Variants in SMCHD1 observed in about 807,000 individuals in gnomAD.
The protein encoded by SMCHD1 is structural maintenance of chromosomes flexible hinge domain containing 1, also known as structural maintenance of chromosomes flexible hinge domain-containing protein 1.
SMCHD1 carries 78 observed loss-of-function variants against 254.7 expected under a neutral mutation model. That is an observed-to-expected ratio of 0.31 (90% CI 0.26 to 0.37). SMCHD1 has a LOEUF of 0.37. Among genes scored for constraint, SMCHD1 ranks in the 10% least tolerant of loss-of-function variants. SMCHD1 has a pLI of 1.00. For missense variants in SMCHD1, 1,840 were observed against 2,408.1 expected (o/e 0.76, Z 4.94); for synonymous variants, 766 against 794.9 (o/e 0.96, Z 0.61).
chr18:2,711,008 A>T (rs1293268428), intron 17 of SMCHD1, among the ~76,000 whole-genome samples: 1 of 151,508 alleles, frequency 6.6e-6, no homozygotes, highest in Non-Finnish European at 1.5e-5. Flanking sequence ...ACGGGTTCTC[A>T]CTCTGTCACC....
intron 7 of SMCHD1, among the ~76,000 whole-genome samples, chr18:2,689,076 TGA>T (rs1442720534): frequency 6.6e-6 from 1 of 152,048 alleles, no homozygotes; most frequent in Non-Finnish European, 1.5e-5. Context: ...GAGAAATAAA[TGA>T]GAGATTGCTC....
rs76979575 is a variant in SMCHD1, at chr18:2,732,051, C to A, written c.3049-214C>A. Reference sequence around the variant, plus strand: ...GAGGGGAATCCTTTTAGTCCACATACAATTGTTTTTATTTTAAGAATGTGG... The same window carrying A: ...GAGGGGAATCCTTTTAGTCCACATAAAATTGTTTTTATTTTAAGAATGTGG... On this transcript the variant is annotated intron_variant, in intron 24 of 47. Transcript: ENST00000320876. Among the ~76,000 whole-genome samples the A allele has an allele frequency of 0.049, 7,412 of 152,178 alleles. 562 individuals are homozygous for A. The highest frequency in any genetic ancestry group is 0.17 in the African/African-American group (6,950 of 41,520).
intron 37 of SMCHD1, among the ~76,000 whole-genome samples, chr18:2,766,112 G>A (rs1260452206): frequency 6.6e-6 from 1 of 151,662 alleles, no homozygotes; most frequent in Admixed American, 6.6e-5. Flanking sequence ...TCCTGTCTCA[G>A]CCTCCCAAGT....
At chr18:2,740,380 AACAT>A (rs2075326399) in intron 27 of SMCHD1, among the ~76,000 whole-genome samples, 1 of 152,164 alleles carries the variant, frequency 6.6e-6, no homozygotes, top group Non-Finnish European at 1.5e-5. Flanking sequence ...ATAAAAGTAT[AACAT>A]ACATGTATGA....
chr18:2,794,264 G>T (rs1465579424), intron 45 of SMCHD1, among the ~76,000 whole-genome samples: 1 of 152,138 alleles, frequency 6.6e-6, no homozygotes, highest in Non-Finnish European at 1.5e-5. Context: ...AGACCAGCCT[G>T]GGCTCAAGCA....
intron 22 of SMCHD1, chr18:2,727,235 C>T (rs1260853950): frequency 6.6e-6 from 1 of 152,056 alleles, no homozygotes; most frequent in Non-Finnish European, 1.5e-5. Flanking sequence ...ACCTGTAAAA[C>T]ACAACAGTGT....
intron 45 of SMCHD1, among the ~76,000 whole-genome samples, chr18:2,794,729 A>G (rs1341641744): frequency 2.6e-5 from 4 of 152,248 alleles, no homozygotes; most frequent in Non-Finnish European, 4.4e-5. Flanking sequence ...ATTGGAACAT[A>G]CAGGCAAGCA....
At chr18:2,685,766 G>T (rs376811512) in intron 5 of SMCHD1, among the ~76,000 whole-genome samples, 8 of 152,038 alleles carry the variant, frequency 5.3e-5, no homozygotes, top group South Asian at 2.1e-4. Context: ...TAATTTTCGA[G>T]GATCATCCAT....
In SMCHD1 at chr18:2,732,468, A is replaced by G. The variant is rs928040828; in HGVS notation, c.3252A>G (p.Thr1084=). ...YDEGEREINI[T]SALAEKIKVN... The stretch of plus-strand genomic sequence containing the variant: ...AAGGAGAAAGAGAAATCAATATAAC[A>G]TCAGCTTTAGCAGAAAAAATTAAAG... The change falls in exon 25 of 48, where the codon ACA becomes ACG. Residue 1084 remains threonine, a synonymous_variant. Coordinates refer to ENST00000320876, the MANE Select transcript of SMCHD1 (RefSeq NM_015295.3). 1 of 1,605,138 alleles carries G rather than the reference A, an allele frequency of 6.2e-7. No individual in the cohort carries two copies. Among genetic ancestry groups the G allele is most frequent in the East Asian group, 2.2e-5 (1 of 44,718 alleles).
chr18:2,785,959 A>G (rs2076233681), intron 45 of SMCHD1, among the ~76,000 whole-genome samples: 1 of 152,134 alleles, frequency 6.6e-6, no homozygotes, highest in Non-Finnish European at 1.5e-5. Flanking sequence ...TGAATAATAT[A>G]TATTTCACTG....
In SMCHD1 at chr18:2,732,512, T is replaced by C. The variant is rs1170590302; in HGVS notation, c.3276+20T>C. ...ATTAAAGTAAGTATCTCTAACAGAT[T>C]GGTTATTTGTAAGAACTTTTTAAAT... On this transcript the variant is annotated intron_variant, in intron 25 of 47. Transcript: ENST00000320876. 6.8e-6 allele frequency: 10 copies of C among 1,464,450 alleles called. No homozygotes were observed. Among genetic ancestry groups the C allele is most frequent in the Non-Finnish European group, 9.3e-6 (10 of 1,070,872 alleles). The allele number at this position is 1,464,450 out of a possible 1,614,324, so 90.7% of individuals were successfully genotyped here.
chr18:2,756,993 T>C (rs1473662293), intron 34 of SMCHD1, among the ~76,000 whole-genome samples: 1 of 152,134 alleles, frequency 6.6e-6, no homozygotes, highest in Non-Finnish European at 1.5e-5. Flanking sequence ...TTAAAATATA[T>C]TTTATGTGTT....
Position 2,795,997 on chromosome 18 carries a change from A to C in SMCHD1, c.5768A>C (p.Asn1923Thr), listed in dbSNP as rs754447017. 6.3e-7 allele frequency: 1 copy of C among 1,598,622 alleles called. No individual in the cohort carries two copies. ...GCTGTGTGCAAACTAGACAGTGTGA[A>C]TAAGGATCTTAACAGTCAATTAGAG... ...RSAVCKLDSVNKDLNSQLEYL... is the reference protein window; with the variant it reads ...RSAVCKLDSVTKDLNSQLEYL... Residue 1923 changes from asparagine to threonine, a missense_variant, in exon 46 of 48, where the codon AAT becomes ACT. Coordinates refer to ENST00000320876, the MANE Select transcript of SMCHD1 (RefSeq NM_015295.3).
chr18:2,762,779 C>T (rs7245080), intron 36 of SMCHD1, among the ~76,000 whole-genome samples: 30,921 of 152,170 alleles, frequency 0.2, 3,386 homozygotes, highest in South Asian at 0.33. Flanking sequence ...TGAACCACCA[C>T]ACCCAGCTGC....
At chr18:2,711,985 C>G (rs896629248) in intron 17 of SMCHD1, among the ~76,000 whole-genome samples, 4 of 152,182 alleles carry the variant, frequency 2.6e-5, no homozygotes, top group Non-Finnish European at 5.9e-5. Context: ...TCCCCTTCAC[C>G]TTCCACCATG....
chr18:2,796,420 A>T lies in SMCHD1; in HGVS notation c.5892A>T (p.Ile1964=), dbSNP rs1278801451. 6.3e-7 allele frequency: 1 copy of T among 1,591,506 alleles called. No homozygotes were observed. Among genetic ancestry groups the T allele is most frequent in the South Asian group, 1.1e-5 (1 of 87,292 alleles). ...LIEEKLGMTP[I]RKCNDSLRHS... ...CCATCTTCACAGGTATGACTCCCAT[A>T]CGTAAGTGTAATGACTCATTGCGTC... is the stretch of plus-strand genomic sequence containing the variant. The change falls in exon 47 of 48, where the codon ATA becomes ATT. Residue 1964 remains isoleucine (I), a synonymous_variant. Coordinates refer to ENST00000320876, the MANE Select transcript of SMCHD1 (RefSeq NM_015295.3).
chr18:2,784,006 T>C (rs1304828352), intron 44 of SMCHD1, among the ~76,000 whole-genome samples: 1 of 152,264 alleles, frequency 6.6e-6, no homozygotes, highest in African/African-American at 2.4e-5. Flanking sequence ...GTATTATCTT[T>C]GGAAGAGTCA....
intron 29 of SMCHD1, 114 bp from the exon 30 acceptor site, chr18:2,747,408 C>A: frequency 1.1e-6 from 1 of 881,972 alleles, no homozygotes. Context: ...ACCAAAGAAG[C>A]CATTTGCAAA....
chr18:2,658,671 C>T (rs1598269877), intron 1 of SMCHD1, among the ~76,000 whole-genome samples: 1 of 152,034 alleles, frequency 6.6e-6, no homozygotes, highest in Non-Finnish European at 1.5e-5. Flanking sequence ...GATTGTGCCT[C>T]GGATCCCATA....
Sources: allele counts gnomAD v4.1 joint callset (sites outside exome capture counted in the v4.1 genomes callset), GRCh38; gene constraint gnomAD v4.1.1; transcripts MANE v1.5; gene names NCBI Gene and HGNC (gene_info 2026-07-23, HGNC 2026-07-21).